RAPGEF2: variants seen among roughly 807,000 people sequenced by gnomAD.
The protein encoded by RAPGEF2 is Rap guanine nucleotide exchange factor 2.
In RAPGEF2, 54 loss-of-function variants were observed where a neutral mutation model predicts 186.7. That is an observed-to-expected ratio of 0.29 (90% CI 0.23 to 0.36). RAPGEF2 has a LOEUF of 0.36. Ranked by LOEUF, RAPGEF2 falls within the 10% of genes least tolerant of loss-of-function variation. The probability of loss-of-function intolerance (pLI) is 1.00; values close to 1 mark genes in which losing one functional copy is unlikely to be tolerated. For missense variants in RAPGEF2, 1,532 were observed against 2,045.0 expected, an observed-to-expected ratio of 0.75 and a Z score of 4.84; for synonymous variants, 712 against 705.9, an observed-to-expected ratio of 1.01 and a Z score of -0.14.
At chr4:159,177,976 C>T (rs1746613430) in intron 1 of RAPGEF2, among the ~76,000 whole-genome samples, 1 of 152,172 alleles carries the variant, frequency 6.6e-6, no homozygotes, top group South Asian at 2.1e-4. Context: ...CAAGATGCTC[C>T]TTTCTCTTCC....
intron 1 of RAPGEF2, among the ~76,000 whole-genome samples, chr4:159,112,577 G>GA (rs1260768552): frequency 6.6e-6 from 1 of 152,062 alleles, no homozygotes; most frequent in African/African-American, 2.4e-5. Flanking sequence ...AAGTATCCAT[G>GA]AGCCCATACT....
chr4:159,193,437 A>G (rs956540820), intron 3 of RAPGEF2, among the ~76,000 whole-genome samples, 181 bp downstream of exon 3: 1 of 152,208 alleles, frequency 6.6e-6, no homozygotes, highest in Non-Finnish European at 1.5e-5. Context: ...TTCTTTCCTG[A>G]TAAGTTCACA....
At chr4:159,159,240 C>T (rs1744444672) in intron 1 of RAPGEF2, among the ~76,000 whole-genome samples, 1 of 152,216 alleles carries the variant, frequency 6.6e-6, no homozygotes, top group Non-Finnish European at 1.5e-5. Context: ...CATCACCCTC[C>T]TTCCATTTTA....
chr4:159,115,888 A>G (rs1042067853), intron 1 of RAPGEF2, among the ~76,000 whole-genome samples: 3 of 152,214 alleles, frequency 2.0e-5, no homozygotes, highest in Admixed American at 6.5e-5. Context: ...AGCCATATGC[A>G]GAAAATTGAA....
chr4:159,344,505 CAACT>C (rs557711784), intron 23 of RAPGEF2, among the ~76,000 whole-genome samples: 11 of 152,100 alleles, frequency 7.2e-5, no homozygotes, highest in South Asian at 2.1e-4. Flanking sequence ...TTTTACAGCT[CAACT>C]AACTACTATT....
chr4:159,224,952 A>G (rs1751877951), intron 4 of RAPGEF2, among the ~76,000 whole-genome samples: 3 of 152,244 alleles, frequency 2.0e-5, no homozygotes, highest in Admixed American at 1.3e-4. Flanking sequence ...TTGGATGTCT[A>G]CAGAGCAGTT....
Position 159,353,450 on chromosome 4 carries a change from G to A in RAPGEF2, c.4092-37G>A. 8.0e-7 allele frequency: 1 copy of A among 1,257,644 alleles called. No individual in the cohort carries two copies. Among genetic ancestry groups the A allele is most frequent in the Non-Finnish European group, 1.0e-6 (1 of 952,468 alleles). 77.9% of individuals were successfully genotyped at this position (1,257,644 alleles called of 1,614,324 possible). A position where few individuals can be genotyped will look rare whatever the true frequency, so the allele number is the denominator to read the frequency against. The stretch of plus-strand genomic sequence containing the variant: ...CATAGGTGAATTAGTTATCAATCTT[G>A]TTTTTTTTTTCTTTTCCATTTCTTT... On this transcript the variant is annotated intron_variant, in intron 27 of 29. Transcript: ENST00000691494. The surrounding 1 kb of genome is among the most constrained non-coding windows in gnomAD (Gnocchi z 4.3).
Position 159,248,719 on chromosome 4 carries a change from T to C in RAPGEF2, c.543+4928T>C, listed in dbSNP as rs113728608. On this transcript the variant is annotated intron_variant, in intron 7 of 29. Coordinates refer to ENST00000691494, the MANE Select transcript of RAPGEF2 (RefSeq NM_001394067.2). ...TTATACGGATTGGGAAATTGCACTA[T>C]AGCATATGTACAGAAATTGAAATGT... is the stretch of plus-strand genomic sequence containing the variant. 3.2e-3 allele frequency among the ~76,000 whole-genome samples: 484 copies of C among 152,350 alleles called. 2 individuals are homozygous for C. The highest frequency in any genetic ancestry group is 0.01 in the African/African-American group (436 of 41,578).
At chr4:159,104,365 C>T in intron 1 of RAPGEF2, 134 bp downstream of exon 1, 1 of 458,312 alleles carries the variant, frequency 2.2e-6, no homozygotes, top group Admixed American at 3.5e-5. Flanking sequence ...CCCCAACTTC[C>T]AAAGGCATCC....
At position 159,346,888 on chromosome 4, in the gene RAPGEF2, C is replaced by T; in HGVS notation, c.3602C>T (p.Pro1201Leu). ...CAGAAAGCTCAGTCCCTGCCACAGC[C>T]CCAGCAGCAGCCACCACCAGCACAT... is the stretch of plus-strand genomic sequence containing the variant. ...SQQKAQSLPQPQQQPPPAHKI... is the reference protein window; with the variant it reads ...SQQKAQSLPQLQQQPPPAHKI... Residue 1201 changes from proline to leucine, a missense_variant, in exon 25 of 30, where the codon CCC becomes CTC. Pro to Leu is a moderately conservative substitution (Grantham distance 98). This residue lies in a region of RAPGEF2 where 594 missense variants were observed against 608.5 expected (regional missense o/e 0.98). Transcript: ENST00000691494. 1 of 1,614,154 alleles carries T rather than the reference C, an allele frequency of 6.2e-7. No individual in the cohort carries two copies. Among genetic ancestry groups the T allele is most frequent in the Non-Finnish European group, 8.5e-7 (1 of 1,180,020 alleles).
intron 2 of RAPGEF2, among the ~76,000 whole-genome samples, chr4:159,188,041 A>G (rs941048160): frequency 7.9e-5 from 12 of 151,694 alleles, no homozygotes; most frequent in African/African-American, 2.9e-4. Context: ...GTTTTATTAG[A>G]AAGGGCAAAA....
chr4:159,296,939 A>G (rs967805078), intron 7 of RAPGEF2, among the ~76,000 whole-genome samples: 1 of 152,230 alleles, frequency 6.6e-6, no homozygotes, highest in Admixed American at 6.5e-5. Context: ...CTTGTGACAG[A>G]CAGCCAGTTT....
chr4:159,321,037 T>C (rs951876534), intron 9 of RAPGEF2, among the ~76,000 whole-genome samples: 4 of 152,166 alleles, frequency 2.6e-5, no homozygotes, highest in Admixed American at 2.0e-4. Flanking sequence ...TATTTTTCTT[T>C]TTAAGTGAGA....
chr4:159,341,950 A>G lies in RAPGEF2; in HGVS notation c.2918+3A>G. On this transcript the variant is annotated splice_donor_region_variant and intron_variant, in intron 20 of 29. Transcript: ENST00000691494. ...AACTCAATGTTTGCAATCATCAGGT[A>G]AGAGAGCACATTTTTTCTTAAGATT... is the stretch of plus-strand genomic sequence containing the variant. The G allele has an allele frequency of 6.4e-7, 1 of 1,568,552 alleles. No individual in the cohort carries two copies. Among genetic ancestry groups the G allele is most frequent in the African/African-American group, 1.4e-5 (1 of 72,994 alleles).
At chr4:159,294,463 C>G (rs373610720) in intron 7 of RAPGEF2, among the ~76,000 whole-genome samples, 3 of 152,254 alleles carry the variant, frequency 2.0e-5, no homozygotes, top group African/African-American at 7.2e-5. Context: ...AAACAAGAGG[C>G]TGAGAACTCA....
intron 1 of RAPGEF2, among the ~76,000 whole-genome samples, chr4:159,117,816 C>T (rs1739210956): frequency 1.3e-5 from 2 of 152,092 alleles, no homozygotes; most frequent in Non-Finnish European, 2.9e-5. Flanking sequence ...TTGTTCATCA[C>T]CTATTTACTA....
At chr4:159,331,353 G>T in intron 13 of RAPGEF2, 78 bp from the exon 14 acceptor site, 1 of 769,444 alleles carries the variant, frequency 1.3e-6, no homozygotes, top group Non-Finnish European at 2.1e-6. Context: ...TTTGAAAGTT[G>T]GATATCTTTT....
chr4:159,258,946 T>C (rs1415284653), intron 7 of RAPGEF2, among the ~76,000 whole-genome samples: 2 of 152,198 alleles, frequency 1.3e-5, no homozygotes, highest in African/African-American at 4.8e-5. Context: ...GCTGACTTTT[T>C]AGAATATTTT....
At chr4:159,236,246 C>T (rs1032451633) in intron 4 of RAPGEF2, among the ~76,000 whole-genome samples, 3 of 152,102 alleles carry the variant, frequency 2.0e-5, no homozygotes, top group African/African-American at 7.2e-5. Context: ...GCAACTGACT[C>T]TCTGAAAAAC....
Sources: allele counts gnomAD v4.1 joint callset (sites outside exome capture counted in the v4.1 genomes callset), GRCh38; gene constraint gnomAD v4.1.1; regional missense constraint gnomAD v4.1.1; non-coding constraint Gnocchi (gnomAD v3.1); transcripts MANE v1.5; gene names NCBI Gene and HGNC (gene_info 2026-07-23, HGNC 2026-07-21).